The following DPPA3 variants were observed in gnomAD, a reference collection of about 807,000 sequenced individuals.
DPPA3 encodes developmental pluripotency associated 3, also known as developmental pluripotency-associated protein 3.
In DPPA3, 9 loss-of-function variants were observed where a neutral mutation model predicts 15.6. The ratio of observed to expected loss-of-function variants is 0.58; its 90% confidence interval spans 0.35 to 1.01. The LOEUF (loss-of-function observed/expected upper bound fraction) is 1.01, where lower values mean the gene tolerates loss of function less well. DPPA3 is among the 50% of genes least tolerant of loss of function. The probability of loss-of-function intolerance (pLI) is 0.02; values close to 1 mark genes in which losing one functional copy is unlikely to be tolerated. For missense variants in DPPA3, 148 were observed against 194.6 expected (o/e 0.76, Z 1.42); for synonymous variants, 61 against 70.9 (o/e 0.86, Z 0.70).
At position 7,711,660 on chromosome 12, in the gene DPPA3, A is replaced by G; in HGVS notation, c.82+8A>G. On this transcript the variant is annotated splice_region_variant and intron_variant, in intron 1 of 3. Transcript: ENST00000345088. Reference sequence around the variant, plus strand: ...ATTCCCGGGACGATTCAGGTAAGCCAGATAATGCCCTTCTTGACTATCTGA... The same window carrying G: ...ATTCCCGGGACGATTCAGGTAAGCCGGATAATGCCCTTCTTGACTATCTGA... 3 of 1,597,814 alleles carry G rather than the reference A, an allele frequency of 1.9e-6. No homozygotes were observed. The highest frequency in any genetic ancestry group is 2.6e-6 in the Non-Finnish European group (3 of 1,171,196).
Position 7,715,242 on chromosome 12 carries a change from G to T in DPPA3, c.142G>T (p.Ala48Ser). 6.2e-7 allele frequency: 1 copy of T among 1,613,812 alleles called. No individual in the cohort carries two copies. The highest frequency in any genetic ancestry group is 2.2e-5 in the East Asian group (1 of 44,870). The change falls in exon 2 of 4, where the codon GCT becomes TCT. Residue 48 changes from alanine (A) to serine (S), a missense_variant. Transcript: ENST00000345088. ...GAACCTTAGTAACTTGACTATCAAC[G>T]CTAGTAGCGAATCTGTTTCCCCTCT... ...IKNLSNLTINASSESVSPLSE... is the reference protein window; with the variant it reads ...IKNLSNLTINSSSESVSPLSE...
At chr12:7,714,006 C>G (rs1264629170) in intron 1 of DPPA3, among the ~76,000 whole-genome samples, 1 of 152,048 alleles carries the variant, frequency 6.6e-6, no homozygotes, top group Non-Finnish European at 1.5e-5. Flanking sequence ...GAGCAAGACC[C>G]TGTCTCAAAA....
At chr12:7,712,659 ACTGG>A (rs1419459369) in intron 1 of DPPA3, among the ~76,000 whole-genome samples, 11 of 151,690 alleles carry the variant, frequency 7.3e-5, no homozygotes, top group African/African-American at 2.7e-4. Context: ...TGTTGGCCAG[ACTGG>A]TCTCGATCTC....
intron 2 of DPPA3, among the ~76,000 whole-genome samples, 161 bp from the exon 3 acceptor site, chr12:7,716,034 TTAA>T: frequency 6.6e-6 from 1 of 151,322 alleles, no homozygotes; most frequent in Non-Finnish European, 1.5e-5. Context: ...GCCTGGGGGG[TTAA>T]GGCTGCAGTG....
At chr12:7,712,134 C>CT (rs1864352881) in intron 1 of DPPA3, among the ~76,000 whole-genome samples, 1 of 143,178 alleles carries the variant, frequency 7.0e-6, no homozygotes, top group South Asian at 2.3e-4. Context: ...CCAGGGTGGT[C>CT]TTGATCTCCT....
rs1448581174 is a variant in DPPA3 at position 7,717,378 on chromosome 12, A to AT, written c.*303dup. The AT allele has an allele frequency of 4.2e-6, 1 of 239,940 alleles. No individual in the cohort carries two copies. The allele number at this position is 239,940 out of a possible 1,614,324, so 14.9% of individuals were successfully genotyped here. On this transcript the variant is annotated 3_prime_UTR_variant, in exon 4 of 4. Transcript: ENST00000345088. The stretch of plus-strand genomic sequence containing the variant: ...GTGAGATGAAACCCAACATCAAGAA[A>AT]TTGAAGCAAAGTTACTTATGGATAA...
In DPPA3 at chr12:7,711,538, C is replaced by T. The variant is rs772079804; in HGVS notation, c.-33C>T. On this transcript the variant is annotated 5_prime_UTR_variant, in exon 1 of 4. Transcript: ENST00000345088. ...TCAGTTTCTGCTACGTTTCAAAGAT[C>T]CTGGAGAAGCCTAGTGTTGTGTCAA... The T allele has an allele frequency of 2.5e-6, 4 of 1,591,932 alleles. No homozygotes were observed. Among genetic ancestry groups the T allele is most frequent in the Admixed American group, 3.6e-5 (2 of 56,260 alleles).
intron 1 of DPPA3, among the ~76,000 whole-genome samples, chr12:7,714,162 G>A (rs1054098783): frequency 1.3e-5 from 2 of 149,416 alleles, no homozygotes; most frequent in South Asian, 2.1e-4. Context: ...CCCGGGAGGC[G>A]GAGCTTGCAG....
At chr12:7,715,147 C>A in intron 1 of DPPA3, 36 bp from the exon 2 acceptor site, 1 of 1,612,014 alleles carries the variant, frequency 6.2e-7, no homozygotes. Context: ...TGTTGAAGAT[C>A]CCCTTAATGT....
intron 2 of DPPA3, among the ~76,000 whole-genome samples, chr12:7,715,634 A>G (rs749851702): frequency 1.8e-4 from 27 of 151,898 alleles, no homozygotes; most frequent in Non-Finnish European, 3.2e-4. Flanking sequence ...TGTCTCTACT[A>G]AAAATACAAA....
intron 1 of DPPA3, 51 bp downstream of exon 1, chr12:7,711,703 G>A: frequency 1.7e-6 from 2 of 1,200,324 alleles, no homozygotes; most frequent in South Asian, 1.4e-5. Flanking sequence ...GGGGTTGGGA[G>A]GTCAAAAGGC....
At chr12:7,714,381 G>A (rs1165278648) in intron 1 of DPPA3, among the ~76,000 whole-genome samples, 1 of 152,086 alleles carries the variant, frequency 6.6e-6, no homozygotes, top group East Asian at 1.9e-4. Flanking sequence ...TTAACAGTGT[G>A]TGTGGGGATT....
intron 1 of DPPA3, 30 bp downstream of exon 1, chr12:7,711,682 C>G: frequency 1.4e-6 from 2 of 1,400,502 alleles, no homozygotes; most frequent in Non-Finnish European, 2.0e-6. Context: ...TCTTGACTAT[C>G]TGACTATAGG....
chr12:7,713,439 C>CT (rs1426922405), intron 1 of DPPA3, among the ~76,000 whole-genome samples: 1 of 152,212 alleles, frequency 6.6e-6, no homozygotes, highest in Non-Finnish European at 1.5e-5. Context: ...GGTCCCTAGA[C>CT]TTTGAGAATC....
At chr12:7,716,496 G>A (rs1283081522) in intron 3 of DPPA3, among the ~76,000 whole-genome samples, 1 of 151,946 alleles carries the variant, frequency 6.6e-6, no homozygotes, top group Non-Finnish European at 1.5e-5. Flanking sequence ...TACTGTCAAC[G>A]TCACACACCA....
At chr12:7,715,526 T>G in intron 2 of DPPA3, 99 bp downstream of exon 2, 1 of 1,568,100 alleles carries the variant, frequency 6.4e-7, no homozygotes, top group Non-Finnish European at 8.7e-7. Context: ...CCCGGTGCGG[T>G]GGCTGAGGCC....
chr12:7,711,557 G>A lies in DPPA3; in HGVS notation c.-14G>A. On this transcript the variant is annotated 5_prime_UTR_variant, in exon 1 of 4. It adds an upstream start codon to the 5' untranslated region. Transcript: ENST00000345088. ...AAAGATCCTGGAGAAGCCTAGTGTT[G>A]TGTCAAGACGCCGATGGACCCATCA... The A allele has an allele frequency of 6.2e-7, 1 of 1,611,960 alleles. No homozygotes were observed. The highest frequency in any genetic ancestry group is 8.5e-7 in the Non-Finnish European group (1 of 1,179,182).
chr12:7,716,396 G>A (rs1309809844), intron 3 of DPPA3, among the ~76,000 whole-genome samples, 157 bp downstream of exon 3: 1 of 151,460 alleles, frequency 6.6e-6, no homozygotes, highest in African/African-American at 2.4e-5. Context: ...GTTCATGTTT[G>A]TAGTTTTTAA....
chr12:7,711,792 A>T, intron 1 of DPPA3, 140 bp downstream of exon 1: 1 of 711,242 alleles, frequency 1.4e-6, no homozygotes. Context: ...ATTTAGGTAA[A>T]CCTCAAACCA....
Sources: allele counts gnomAD v4.1 joint callset (sites outside exome capture counted in the v4.1 genomes callset), GRCh38; gene constraint gnomAD v4.1.1; transcripts MANE v1.5; gene names NCBI Gene and HGNC (gene_info 2026-07-23, HGNC 2026-07-21).